UGT3A2: variants seen among roughly 807,000 people sequenced by gnomAD.
The protein encoded by UGT3A2 is UDP-glycosyltransferase 3A2.
A neutral mutation model predicts 39.8 loss-of-function variants in UGT3A2; 32 were observed. The observed-to-expected ratio is 0.80, with a 90% CI of 0.61 to 1.08. UGT3A2 has a LOEUF of 1.08. Ranked by LOEUF, UGT3A2 falls within the 50% of genes least tolerant of loss-of-function variation. The pLI, the probability that UGT3A2 is intolerant of heterozygous loss-of-function variation, is 0.00. For missense variants in UGT3A2, 611 were observed against 637.1 expected (o/e 0.96, Z 0.44); for synonymous variants, 241 against 230.7 (o/e 1.04, Z -0.40).
chr5:36,046,140 C>T (rs1742159090), intron 4 of UGT3A2, among the ~76,000 whole-genome samples: 1 of 152,164 alleles, frequency 6.6e-6, no homozygotes, highest in African/African-American at 2.4e-5. Flanking sequence ...GTGGAGAAAG[C>T]AAACTCGCAC....
intron 2 of UGT3A2, among the ~76,000 whole-genome samples, chr5:36,060,224 T>C (rs916552795): frequency 2.3e-4 from 35 of 152,366 alleles, no homozygotes; most frequent in African/African-American, 8.2e-4. Context: ...CAGCCAGTAA[T>C]TGCCTTTCTC....
intron 6 of UGT3A2, among the ~76,000 whole-genome samples, chr5:36,037,001 G>A (rs927916660): frequency 3.9e-5 from 6 of 152,196 alleles, no homozygotes; most frequent in African/African-American, 1.4e-4. Flanking sequence ...CTTTGTGGCA[G>A]ATCCTGTGCT....
chr5:36,056,886 G>A lies in UGT3A2; in HGVS notation c.197-4902C>T, dbSNP rs150096494. 3.4e-3 allele frequency among the ~76,000 whole-genome samples: 520 copies of A among 152,242 alleles called. 2 individuals carry two copies. Among genetic ancestry groups the A allele is most frequent in the African/African-American group, 0.012 (496 of 41,536 alleles). ...TTGAACATCTATATTTCTACAAAAA[G>A]CCTGTGTATGATGATTTATAGTCTC... On this transcript the variant is annotated intron_variant, in intron 2 of 6. Coordinates refer to ENST00000282507, the MANE Select transcript of UGT3A2 (RefSeq NM_174914.4).
At chr5:36,041,222 TAG>T (rs1312591541) in intron 4 of UGT3A2, among the ~76,000 whole-genome samples, 2 of 151,668 alleles carry the variant, frequency 1.3e-5, no homozygotes, top group African/African-American at 4.8e-5. Flanking sequence ...AGGGAGGGAA[TAG>T]AGTAAGTAGA....
chr5:36,051,839 C>A (rs200521016), intron 3 of UGT3A2, 31 bp downstream of exon 3: 49 of 1,506,778 alleles, frequency 3.3e-5, no homozygotes, highest in Middle Eastern at 1.7e-4. Context: ...AAATGGTGAC[C>A]TTTTTGTTCA....
In UGT3A2 at chr5:36,037,868, A is replaced by T. The variant is rs538445609; in HGVS notation, c.1224T>A (p.Val408=). Reference sequence around the variant, plus strand: ...CCTTGAGCTTCTTTAACTGAATAGAAACACCAAACTTTTTGGCTTCTACTC... The same window carrying T: ...CCTTGAGCTTCTTTAACTGAATAGATACACCAAACTTTTTGGCTTCTACTC... ...MVRVEAKKFG[V]SIQLKKLKAE... Residue 408 remains valine, a synonymous_variant, in exon 6 of 7, where the codon GTT becomes GTA. Coordinates refer to ENST00000282507, the MANE Select transcript of UGT3A2 (RefSeq NM_174914.4). 1 of 1,613,980 alleles carries T rather than the reference A, an allele frequency of 6.2e-7. No homozygotes were observed. The highest frequency in any genetic ancestry group is 1.7e-5 in the Admixed American group (1 of 59,992).
In UGT3A2 at chr5:36,066,692, T is replaced by C; in HGVS notation, c.94+4A>G. On this transcript the variant is annotated splice_donor_region_variant and intron_variant, in intron 1 of 6. Coordinates refer to ENST00000282507, the MANE Select transcript of UGT3A2 (RefSeq NM_174914.4). ...GTCTGGGAATTCTCCGGCCAAGCAC[T>C]CACCTACTGTAGATATTGTCAGGAT... The C allele has an allele frequency of 6.2e-7, 1 of 1,614,056 alleles. No homozygotes were observed. Among genetic ancestry groups the C allele is most frequent in the Non-Finnish European group, 8.5e-7 (1 of 1,179,962 alleles).
At chr5:36,060,610 G>GC (rs1742662782) in intron 2 of UGT3A2, among the ~76,000 whole-genome samples, 1 of 152,086 alleles carries the variant, frequency 6.6e-6, no homozygotes, top group Non-Finnish European at 1.5e-5. Context: ...TCTTCCCCTG[G>GC]CCCCTTTACA....
intron 6 of UGT3A2, among the ~76,000 whole-genome samples, chr5:36,037,133 G>T (rs1195580887): frequency 6.6e-6 from 1 of 152,188 alleles, no homozygotes. Context: ...AGCTGCGCAT[G>T]GTGGCTTATG....
At position 36,035,631 on chromosome 5, in the gene UGT3A2, A is replaced by G. The variant is rs1741793213; in HGVS notation, c.*67T>C. ...ACTAGAGAATGGGGCTGCCAGAACT[A>G]GTGGGAAGCTCCCTAGAAATGGTGA... On this transcript the variant is annotated 3_prime_UTR_variant, in exon 7 of 7. Transcript: ENST00000282507. The G allele has an allele frequency of 6.4e-7, 1 of 1,564,088 alleles. No homozygotes were observed. Among genetic ancestry groups the G allele is most frequent in the Non-Finnish European group, 8.7e-7 (1 of 1,152,272 alleles).
intron 1 of UGT3A2, among the ~76,000 whole-genome samples, chr5:36,065,360 GC>G (rs1348333225): frequency 6.6e-6 from 1 of 152,152 alleles, no homozygotes; most frequent in Non-Finnish European, 1.5e-5. Context: ...AACAGGTCTT[GC>G]TCACATTTTA....
chr5:36,043,171 A>T (rs1458959549), intron 4 of UGT3A2, among the ~76,000 whole-genome samples: 2 of 152,106 alleles, frequency 1.3e-5, no homozygotes, highest in East Asian at 3.8e-4. Flanking sequence ...AATTGAAATT[A>T]TATCAACTAC....
chr5:36,049,979 C>T (rs1403565862), intron 3 of UGT3A2, among the ~76,000 whole-genome samples: 1 of 152,044 alleles, frequency 6.6e-6, no homozygotes, highest in Non-Finnish European at 1.5e-5. Flanking sequence ...AGAATTCCAC[C>T]TTTCTACCCC....
Position 36,051,969 on chromosome 5 carries a change from T to G in UGT3A2, c.212A>C (p.Glu71Ala). ...GPFMPDFKKE[E>A]KSYQVISWLA... ...CCAACTGATAACTTGATATGATTTT[T>G]CTTCCTTTTTAAAATCTAAGAAAAC... The change falls in exon 3 of 7, where the codon GAA becomes GCA. Residue 71 changes from glutamate to alanine, a missense_variant. By Grantham distance (107) the Glu-to-Ala change is moderately radical (BLOSUM62 -1). Transcript: ENST00000282507. 1 of 1,566,184 alleles carries G rather than the reference T, an allele frequency of 6.4e-7. No individual in the cohort carries two copies. The highest frequency in any genetic ancestry group is 8.6e-7 in the Non-Finnish European group (1 of 1,164,092).
Position 36,039,658 on chromosome 5 carries a change from C to G in UGT3A2, c.894G>C (p.Val298=), listed in dbSNP as rs1741944718. The G allele has an allele frequency of 1.2e-6, 2 of 1,614,048 alleles. No individual in the cohort carries two copies. Among genetic ancestry groups the G allele is most frequent in the African/African-American group, 2.7e-5 (2 of 74,906 alleles). ...AKFGDSGFVL[V]TLGSMVNTCQ... is the part of the protein sequence containing the mutation. Reference sequence around the variant, plus strand: ...AGGTGTTCACCATGGAGCCCAAGGTCACAAGGACAAAACCAGAGTCCCCAA... The same window carrying G: ...AGGTGTTCACCATGGAGCCCAAGGTGACAAGGACAAAACCAGAGTCCCCAA... Residue 298 remains valine, a synonymous_variant, in exon 5 of 7, where the codon GTG becomes GTC. Transcript: ENST00000282507.
At chr5:36,042,117 C>T (rs604328) in intron 4 of UGT3A2, among the ~76,000 whole-genome samples, 142,448 of 151,966 alleles carry the variant, frequency 0.94, 66,805 homozygotes, top group South Asian at 0.99. Context: ...TTTGACATAA[C>T]GAAGAATGCC....
rs2197514 is a variant in UGT3A2 at position 36,051,961 on chromosome 5, A to T, written c.220T>A (p.Tyr74Asn). ...MPDFKKEEKS[Y>N]QVISWLAPED... ...GGTGCAAGCCAACTGATAACTTGAT[A>T]TGATTTTTCTTCCTTTTTAAAATCT... The change falls in exon 3 of 7, where the codon TAT (tyrosine) becomes AAT (asparagine). Residue 74 changes from tyrosine to asparagine, a missense_variant. Transcript: ENST00000282507. 519 of 1,574,686 alleles carry T rather than the reference A, an allele frequency of 3.3e-4. 3 individuals carry two copies. In the African/African-American group the frequency reaches 6.2e-3, roughly 19 times the overall value.
chr5:36,041,598 G>C (rs894556490), intron 4 of UGT3A2, among the ~76,000 whole-genome samples: 7 of 152,130 alleles, frequency 4.6e-5, no homozygotes, highest in Non-Finnish European at 8.8e-5. Context: ...ACTCTGCCTG[G>C]TAATCCAAGG....
rs137914337 is a variant in UGT3A2, at chr5:36,052,995, A to G, written c.197-1011T>C. Among the ~76,000 whole-genome samples, 201 of 152,338 alleles carry G rather than the reference A, an allele frequency of 1.3e-3. 1 individual carries two copies. The highest frequency in any genetic ancestry group is 4.1e-3 in the African/African-American group (169 of 41,576). Reference sequence around the variant, plus strand: ...TCCATGCTGATTTTAACAGGCTCTCAGCCACAGTGTGTCTTTACCTTGGAA... The same window carrying G: ...TCCATGCTGATTTTAACAGGCTCTCGGCCACAGTGTGTCTTTACCTTGGAA... On this transcript the variant is annotated intron_variant, in intron 2 of 6. Coordinates refer to ENST00000282507, the MANE Select transcript of UGT3A2 (RefSeq NM_174914.4).
Sources: allele counts gnomAD v4.1 joint callset (sites outside exome capture counted in the v4.1 genomes callset), GRCh38; gene constraint gnomAD v4.1.1; transcripts MANE v1.5; gene names NCBI Gene and HGNC (gene_info 2026-07-23, HGNC 2026-07-21).